Variants in PRPF8 observed in about 807,000 individuals in gnomAD.
PRPF8 encodes the protein pre-mRNA-processing-splicing factor 8.
A neutral mutation model predicts 285.9 loss-of-function variants in PRPF8; 64 were observed. That is an observed-to-expected ratio of 0.22 (90% CI 0.18 to 0.28). The LOEUF (loss-of-function observed/expected upper bound fraction) is 0.28, where lower values mean the gene tolerates loss of function less well. Ranked by LOEUF, PRPF8 falls within the 10% of genes least tolerant of loss-of-function variation. The pLI is 1.00. For synonymous variants in PRPF8, 1,325 were observed against 1,118.2 expected, an observed-to-expected ratio of 1.18 and a Z score of -3.69; for missense variants, 1,426 against 3,026.7, an observed-to-expected ratio of 0.47 and a Z score of 12.41.
intron 24 of PRPF8, among the ~76,000 whole-genome samples, chr17:1,667,018 C>T (rs374410341): frequency 2.0e-5 from 3 of 151,920 alleles, no homozygotes; most frequent in African/African-American, 7.3e-5. Context: ...ACTAAAAATA[C>T]AAAAATTAGC....
chr17:1,670,707 A>C (rs1030511113), intron 24 of PRPF8, among the ~76,000 whole-genome samples: 1 of 152,060 alleles, frequency 6.6e-6, no homozygotes, highest in African/African-American at 2.4e-5. Context: ...GGCTGGTCTC[A>C]AACTCCTGAC....
rs1321173416 is a variant in PRPF8, at chr17:1,661,361, A to G, written c.4248T>C (p.Ile1416=). Residue 1416 remains isoleucine, a synonymous_variant, in exon 27 of 43, where the codon ATT becomes ATC. Coordinates refer to ENST00000304992, the MANE Select transcript of PRPF8 (RefSeq NM_006445.4). The surrounding 1 kb of genome is among the most constrained non-coding windows in gnomAD (Gnocchi z 7.3). ...EDLEDSWDRG[I]PRINTLFQKD... The stretch of plus-strand genomic sequence containing the variant: ...TCTGGAAGAGGGTATTGATTCGAGG[A>G]ATGCCACGATCCCATGAATCTTCTA... 6.2e-7 allele frequency: 1 copy of G among 1,614,160 alleles called. No homozygotes were observed. Among genetic ancestry groups the G allele is most frequent in the Non-Finnish European group, 8.5e-7 (1 of 1,180,026 alleles).
chr17:1,661,376 T>C lies in PRPF8; in HGVS notation c.4233A>G (p.Ser1411=). The C allele has an allele frequency of 8.7e-6, 14 of 1,614,214 alleles. No individual in the cohort carries two copies. Among genetic ancestry groups the C allele is most frequent in the Non-Finnish European group, 1.2e-5 (14 of 1,180,040 alleles). Residue 1411 remains serine, a synonymous_variant, in exon 27 of 43, where the codon TCA becomes TCG. Transcript: ENST00000304992. This position sits in a 1 kb window ranked among gnomAD's most constrained non-coding sequence, Gnocchi z 7.3. ...TGATTCGAGGAATGCCACGATCCCA[T>C]GAATCTTCTAGGTCTTCTAAAGTCA... ...RRLTLEDLED[S]WDRGIPRINT... is the part of the protein sequence containing the mutation.
Position 1,659,847 on chromosome 17 carries a change from T to A in PRPF8, c.4940A>T (p.Asp1647Val), listed in dbSNP as rs1165512324. The A allele has an allele frequency of 6.2e-7, 1 of 1,613,808 alleles. No individual in the cohort carries two copies. Among genetic ancestry groups the A allele is most frequent in the Non-Finnish European group, 8.5e-7 (1 of 1,179,930 alleles). The change falls in exon 31 of 43, where the codon GAC becomes GTC. Residue 1647 changes from aspartate (D) to valine (V), a missense_variant. By Grantham distance (152) the Asp-to-Val change is radical. Coordinates refer to ENST00000304992, the MANE Select transcript of PRPF8 (RefSeq NM_006445.4). This position sits in a 1 kb window ranked among gnomAD's most constrained non-coding sequence, Gnocchi z 5.1. Reference sequence around the variant, plus strand: ...TGGGTCCTGAGGCACTTACTTGGAGTCAGCCAGCAATGAGGGCCGGGAGAC... The same window carrying A: ...TGGGTCCTGAGGCACTTACTTGGAGACAGCCAGCAATGAGGGCCGGGAGAC... ...WNVSRPSLLA[D>V]SKDVMDSTTT...
chr17:1,677,464 G>T, intron 14 of PRPF8, 101 bp downstream of exon 14: 1 of 1,551,704 alleles, frequency 6.4e-7, no homozygotes, highest in Non-Finnish European at 8.9e-7. Flanking sequence ...AGGCAATCCA[G>T]TAGGAAGAGT....
Position 1,679,362 on chromosome 17 carries a change from G to C in PRPF8, c.1338C>G (p.Ser446=). 6.2e-7 allele frequency: 1 copy of C among 1,613,892 alleles called. No individual in the cohort carries two copies. Among genetic ancestry groups the C allele is most frequent in the Admixed American group, 1.7e-5 (1 of 60,012 alleles). The part of the protein sequence containing the change: ...PAGQPVKVRV[S]YQKLLKYYVL... ...CATAGTACTTAAGCAGCTTCTGGTA[G>C]GAGACCCTCACTTTCACAGGCTGCC... Residue 446 remains serine, a synonymous_variant, in exon 10 of 43, where the codon TCC becomes TCG. Coordinates refer to ENST00000304992, the MANE Select transcript of PRPF8 (RefSeq NM_006445.4). This position sits in a 1 kb window ranked among gnomAD's most constrained non-coding sequence, Gnocchi z 4.7.
Position 1,674,432 on chromosome 17 carries a change from A to G in PRPF8, c.3299+10T>C. On this transcript the variant is annotated intron_variant, in intron 21 of 42. Coordinates refer to ENST00000304992, the MANE Select transcript of PRPF8 (RefSeq NM_006445.4). ...ACCCTGCAAGGCTAGGAATCCAGGA[A>G]AGCCCTCACCTGAAAAAAATATGGA... 6.2e-7 allele frequency: 1 copy of G among 1,612,908 alleles called. No homozygotes were observed. Among genetic ancestry groups the G allele is most frequent in the South Asian group, 1.1e-5 (1 of 91,056 alleles).
At chr17:1,670,100 T>TA (rs1410974441) in intron 24 of PRPF8, among the ~76,000 whole-genome samples, 1 of 152,150 alleles carries the variant, frequency 6.6e-6, no homozygotes, top group East Asian at 1.9e-4. Flanking sequence ...GATCATCAAT[T>TA]AAAGAGGCAC....
rs1329329094 is a variant in PRPF8, at chr17:1,681,646, G to A, written c.698C>T (p.Pro233Leu). 6.2e-7 allele frequency: 1 copy of A among 1,614,116 alleles called. No homozygotes were observed. The change falls in exon 6 of 43, where the codon CCT (proline) becomes CTT (leucine). Residue 233 changes from proline (P) to leucine (L), a missense_variant. This residue lies in a region of PRPF8 where 157 missense variants were observed against 159.6 expected (regional missense o/e 0.98). Transcript: ENST00000304992. ...CAGGCGGTAGAGAGTCGACATCATA[G>A]GTAGTGTGAACTGCCAGCGCTGGTA... ...STYQRWQFTLPMMSTLYRLAN... is the reference protein window; with the variant it reads ...STYQRWQFTLLMMSTLYRLAN...
chr17:1,666,605 A>C (rs563752240), intron 24 of PRPF8, among the ~76,000 whole-genome samples: 1 of 152,162 alleles, frequency 6.6e-6, no homozygotes, highest in Non-Finnish European at 1.5e-5. Flanking sequence ...TAATGAAACC[A>C]AAGCTGTTTC....
chr17:1,650,827 G>A lies in PRPF8; in HGVS notation c.6983C>T (p.Ala2328Val), dbSNP rs776519099. 18 of 1,614,006 alleles carry A rather than the reference G, an allele frequency of 1.1e-5. No homozygotes were observed. Among genetic ancestry groups the A allele is most frequent in the African/African-American group, 8.0e-5 (6 of 74,908 alleles). Residue 2328 changes from alanine to valine, a missense_variant, in exon 43 of 43, where the codon GCG (alanine) becomes GTG (valine). Around this residue, in one of 34 missense-constraint regions of PRPF8, gnomAD observed 59 missense variants for 58.6 expected, o/e 1.01. Transcript: ENST00000304992. Reference protein sequence around the residue: ...ALLQEGEVYSADREDLYA With the variant: ...ALLQEGEVYSVDREDLYA ...TCAGGCATACAGGTCCTCCCGATCC[G>A]CAGAGTAAACCTCCCCCTCCTGCAG...
At chr17:1,666,849 G>C (rs1912017056) in intron 24 of PRPF8, among the ~76,000 whole-genome samples, 1 of 152,086 alleles carries the variant, frequency 6.6e-6, no homozygotes, top group African/African-American at 2.4e-5. Context: ...CATCTCGCAT[G>C]TCCACAGGAT....
At position 1,663,645 on chromosome 17, in the gene PRPF8, G is replaced by A. The variant is rs1033159777; in HGVS notation, c.3775-1492C>T. 2.2e-5 allele frequency among the ~76,000 whole-genome samples: 3 copies of A among 139,154 alleles called. No homozygotes were observed. The Admixed American group carries it at 2.5e-4, about 12-fold the overall frequency. 91.3% of individuals were successfully genotyped at this position (139,154 alleles called of 152,430 possible). A position where few individuals can be genotyped will look rare whatever the true frequency, so the allele number is the denominator to read the frequency against. On this transcript the variant is annotated intron_variant, in intron 24 of 42. Coordinates refer to ENST00000304992, the MANE Select transcript of PRPF8 (RefSeq NM_006445.4). ...AATCGCTTGAACTCGGGAGGCAGAGGTTGCACTGAGCCAAGATCATGCCAC... is the reference window on the plus strand; with the variant it reads ...AATCGCTTGAACTCGGGAGGCAGAGATTGCACTGAGCCAAGATCATGCCAC...
chr17:1,674,367 G>C, intron 21 of PRPF8, 75 bp downstream of exon 21: 2 of 1,461,450 alleles, frequency 1.4e-6, no homozygotes, highest in Middle Eastern at 1.9e-4. Context: ...GTCAACTCAG[G>C]TACAATAGCT....
chr17:1,659,798 G>A lies in PRPF8; in HGVS notation c.4946+43C>T, dbSNP rs773085879. 6 of 1,605,958 alleles carry A rather than the reference G, an allele frequency of 3.7e-6. No individual in the cohort carries two copies. Among genetic ancestry groups the A allele is most frequent in the East Asian group, 2.2e-5 (1 of 44,748 alleles). On this transcript the variant is annotated intron_variant, in intron 31 of 42. Coordinates refer to ENST00000304992, the MANE Select transcript of PRPF8 (RefSeq NM_006445.4). The surrounding 1 kb of genome is among the most constrained non-coding windows in gnomAD (Gnocchi z 5.1). ...TGCAGGGCTAGAAGAACAGGAAAAC[G>A]AAAGTGTCCTGGCTGCCTAGGGCTG...
In PRPF8 at chr17:1,653,047, T is replaced by G. The variant is rs1911168400; in HGVS notation, c.6369+495A>C. On this transcript the variant is annotated intron_variant, in intron 39 of 42. Coordinates refer to ENST00000304992, the MANE Select transcript of PRPF8 (RefSeq NM_006445.4). The surrounding 1 kb of genome is among the most constrained non-coding windows in gnomAD (Gnocchi z 4.9). The stretch of plus-strand genomic sequence containing the variant: ...CTCACCTCCCGGGTTCAAGCAATTC[T>G]CCTGTCTCAACCTCCCTAGTAGCTG... The G allele has an allele frequency of 4.1e-6, 1 of 245,062 alleles. No homozygotes were observed. The highest frequency in any genetic ancestry group is 1.0e-4 in the East Asian group (1 of 9,996). 15.2% of individuals were successfully genotyped at this position (245,062 alleles called of 1,614,324 possible). A position where few individuals can be genotyped will look rare whatever the true frequency, so the allele number is the denominator to read the frequency against.
chr17:1,669,241 A>G (rs550715529), intron 24 of PRPF8, among the ~76,000 whole-genome samples: 38 of 152,036 alleles, frequency 2.5e-4, no homozygotes, highest in African/African-American at 8.7e-4. Context: ...CGAGTAGCTG[A>G]GATTACAGGC....
chr17:1,660,162 G>A (rs760828657), intron 30 of PRPF8, among the ~76,000 whole-genome samples, 161 bp from the exon 31 acceptor site: 5 of 150,706 alleles, frequency 3.3e-5, no homozygotes, highest in Non-Finnish European at 3.0e-5. Context: ...TGTACAGCAC[G>A]CTCTCCCCGC....
At chr17:1,672,673 G>A (rs1567686347) in intron 24 of PRPF8, among the ~76,000 whole-genome samples, 1 of 152,122 alleles carries the variant, frequency 6.6e-6, no homozygotes, top group Admixed American at 6.6e-5. Flanking sequence ...GCCTTCGGCT[G>A]GGCCTCTGAA....
Sources: gnomAD v4.1 joint callset for allele counts (sites outside exome capture counted in the v4.1 genomes callset) on GRCh38, gnomAD v4.1.1 for gene constraint, gnomAD v4.1.1 regional missense constraint, Gnocchi (gnomAD v3.1) non-coding constraint, MANE v1.5 for transcripts, NCBI Gene and HGNC (gene_info 2026-07-23, HGNC 2026-07-21) for gene names.